Variants in NKAIN2 observed in about 807,000 individuals in gnomAD.
NKAIN2 encodes sodium/potassium-transporting ATPase subunit beta-1-interacting protein 2.
Under a neutral mutation model 32.6 loss-of-function variants are expected in NKAIN2, and 14 were observed. The observed-to-expected ratio is 0.43, with a 90% CI of 0.28 to 0.67. The LOEUF is 0.67. Ranked by LOEUF, NKAIN2 falls within the 30% of genes least tolerant of loss-of-function variation. NKAIN2 has a pLI of 0.17. For missense variants in NKAIN2, 198 were observed against 258.3 expected, an observed-to-expected ratio of 0.77 and a Z score of 1.60; for synonymous variants, 80 against 87.2, an observed-to-expected ratio of 0.92 and a Z score of 0.46.
At chr6:124,014,283 T>C (rs17086477) in intron 1 of NKAIN2, among the ~76,000 whole-genome samples, 2,651 of 152,270 alleles carry the variant, frequency 0.017, 76 homozygotes, top group African/African-American at 0.058. Context: ...CACCTACAAA[T>C]ATATACTTGC....
chr6:123,806,642 T>C (rs972134892), intron 1 of NKAIN2, among the ~76,000 whole-genome samples: 41 of 151,998 alleles, frequency 2.7e-4, no homozygotes, highest in African/African-American at 9.7e-4. Flanking sequence ...ATAAACCAGG[T>C]TTCTAGACTA....
chr6:123,808,709 A>G (rs1773326848), intron 1 of NKAIN2, among the ~76,000 whole-genome samples: 1 of 152,186 alleles, frequency 6.6e-6, no homozygotes, highest in Admixed American at 6.5e-5. Flanking sequence ...GCAGAGTGCC[A>G]GAGTCATCTC....
At chr6:124,259,380 C>T (rs778362113) in intron 1 of NKAIN2, among the ~76,000 whole-genome samples, 4 of 152,078 alleles carry the variant, frequency 2.6e-5, no homozygotes, top group Non-Finnish European at 5.9e-5. Context: ...TCCCTTGATA[C>T]TATCTGGGAG....
rs927280904 is a variant in NKAIN2 at position 124,020,597 on chromosome 6, TA to T, written c.54+216346del. Among the ~76,000 whole-genome samples the T allele has an allele frequency of 3.9e-4, 60 of 151,940 alleles. 2 individuals are homozygous for T. On this transcript the variant is annotated intron_variant, in intron 1 of 6. Coordinates refer to ENST00000368417, the MANE Select transcript of NKAIN2 (RefSeq NM_001040214.3). ...AAAGATTTAAAGTAGACTACATCAC[TA>T]AAGCATATTGTGTTTGATGCTGAAA... is the stretch of plus-strand genomic sequence containing the variant.
chr6:124,289,125 C>A (rs928798684), intron 2 of NKAIN2, among the ~76,000 whole-genome samples: 7 of 152,242 alleles, frequency 4.6e-5, no homozygotes, highest in Admixed American at 3.9e-4. Flanking sequence ...GTCATAATAA[C>A]CCTGCTTACT....
At chr6:124,015,337 T>C (rs1780516853) in intron 1 of NKAIN2, among the ~76,000 whole-genome samples, 1 of 152,196 alleles carries the variant, frequency 6.6e-6, no homozygotes, top group African/African-American at 2.4e-5. Context: ...TAAAAATTGT[T>C]TCTTTGCTCT....
chr6:124,766,234 C>T (rs1017754259), intron 4 of NKAIN2, among the ~76,000 whole-genome samples: 1 of 152,188 alleles, frequency 6.6e-6, no homozygotes, highest in African/African-American at 2.4e-5. Context: ...ATAAAGTGTT[C>T]TCTAAGACCC....
intron 3 of NKAIN2, among the ~76,000 whole-genome samples, chr6:124,490,011 A>T (rs1041494227): frequency 6.6e-6 from 1 of 151,852 alleles, no homozygotes; most frequent in Non-Finnish European, 1.5e-5. Context: ...GCATTTCTAG[A>T]AAGATAATTG....
rs921739391 is a variant in NKAIN2 at position 124,045,473 on chromosome 6, T to C, written c.55-237532T>C. 2.0e-5 allele frequency among the ~76,000 whole-genome samples: 3 copies of C among 152,152 alleles called. No individual in the cohort carries two copies. In the South Asian group the frequency reaches 6.2e-4, roughly 32 times the overall value. ...ACACTTCCAATTAATATTAAACACA[T>C]TCTTAGAGGAAATATTCACAAATGT... is the stretch of plus-strand genomic sequence containing the variant. On this transcript the variant is annotated intron_variant, in intron 1 of 6. Transcript: ENST00000368417.
At chr6:124,675,965 A>G (rs1165150904) in intron 4 of NKAIN2, among the ~76,000 whole-genome samples, 1 of 152,028 alleles carries the variant, frequency 6.6e-6, no homozygotes, top group East Asian at 1.9e-4. Flanking sequence ...TGCATTTACC[A>G]CTGTAAACTG....
At chr6:124,453,353 A>ACACGCACG in intron 3 of NKAIN2, among the ~76,000 whole-genome samples, 1 of 136,130 alleles carries the variant, frequency 7.3e-6, no homozygotes, top group South Asian at 2.8e-4. Flanking sequence ...ACACACACAC[A>ACACGCACG]CACACACACA....
intron 1 of NKAIN2, among the ~76,000 whole-genome samples, chr6:124,014,785 A>G (rs1453820052): frequency 6.6e-6 from 1 of 152,176 alleles, no homozygotes. Context: ...TATTTACATT[A>G]AAAGTTTTAG....
At chr6:123,891,651 T>G (rs2114374647) in intron 1 of NKAIN2, among the ~76,000 whole-genome samples, 1 of 152,318 alleles carries the variant, frequency 6.6e-6, no homozygotes, top group East Asian at 1.9e-4. Flanking sequence ...GCCATTCTTT[T>G]AAAACAAAAT....
At chr6:124,572,194 A>G (rs1423845087) in intron 3 of NKAIN2, among the ~76,000 whole-genome samples, 1 of 152,132 alleles carries the variant, frequency 6.6e-6, no homozygotes, top group Non-Finnish European at 1.5e-5. Flanking sequence ...TTAGGCTCTT[A>G]ACTTATTGAA....
intron 1 of NKAIN2, among the ~76,000 whole-genome samples, chr6:123,952,798 A>AT (rs952281673): frequency 1.3e-5 from 2 of 151,820 alleles, no homozygotes; most frequent in Non-Finnish European, 1.5e-5. Flanking sequence ...AATTGTTCCT[A>AT]TTTTTTTGTA....
At chr6:124,625,264 A>C (rs975534823) in intron 3 of NKAIN2, among the ~76,000 whole-genome samples, 1 of 152,176 alleles carries the variant, frequency 6.6e-6, no homozygotes, top group African/African-American at 2.4e-5. Context: ...CTACAAAAAA[A>C]ACAAAAATCT....
chr6:123,811,831 G>A (rs984710393), intron 1 of NKAIN2, among the ~76,000 whole-genome samples: 6 of 151,914 alleles, frequency 3.9e-5, no homozygotes, highest in African/African-American at 1.2e-4. Flanking sequence ...CATAAATTTT[G>A]TGAGGCTTTA....
At chr6:124,806,318 G>C (rs1189912416) in intron 5 of NKAIN2, among the ~76,000 whole-genome samples, 1 of 152,172 alleles carries the variant, frequency 6.6e-6, no homozygotes, top group Non-Finnish European at 1.5e-5. Flanking sequence ...AGCCAGAAGA[G>C]AGTGAGGGCC....
chr6:124,227,838 A>T (rs1792204134), intron 1 of NKAIN2, among the ~76,000 whole-genome samples: 1 of 152,088 alleles, frequency 6.6e-6, no homozygotes, highest in Non-Finnish European at 1.5e-5. Flanking sequence ...TGAAGGGAGA[A>T]AAATAAAAAA....
Sources: gnomAD v4.1 joint callset for allele counts (sites outside exome capture counted in the v4.1 genomes callset) on GRCh38, gnomAD v4.1.1 for gene constraint, MANE v1.5 for transcripts, NCBI Gene and HGNC (gene_info 2026-07-23, HGNC 2026-07-21) for gene names.